Variants in GAN observed in about 807,000 individuals in gnomAD.
GAN encodes epididymis secretory sperm binding protein.
Under a neutral mutation model 71.3 loss-of-function variants are expected in GAN, and 48 were observed. The observed-to-expected ratio is 0.67, with a 90% CI of 0.53 to 0.86. GAN has a LOEUF of 0.86. GAN is among the 40% of genes least tolerant of loss of function. The pLI, the probability that GAN is intolerant of heterozygous loss-of-function variation, is 0.00. For missense variants in GAN, 928 were observed against 770.1 expected (o/e 1.21, Z -2.43); for synonymous variants, 386 against 276.8 (o/e 1.39, Z -3.92).
intron 1 of GAN, among the ~76,000 whole-genome samples, chr16:81,327,651 GA>G (rs202022779): frequency 1.5e-3 from 219 of 150,698 alleles, no homozygotes; most frequent in African/African-American, 5.3e-3. Flanking sequence ...TTGGGAAAGA[GA>G]AAATGGAAAG....
intron 1 of GAN, among the ~76,000 whole-genome samples, chr16:81,325,421 G>C (rs1308319331): frequency 2.0e-5 from 3 of 152,192 alleles, no homozygotes; most frequent in African/African-American, 7.2e-5. Flanking sequence ...CATCAGGCTT[G>C]TGTTTGGGGT....
At chr16:81,329,752 C>G (rs1909510822) in intron 1 of GAN, among the ~76,000 whole-genome samples, 1 of 152,174 alleles carries the variant, frequency 6.6e-6, no homozygotes, top group South Asian at 2.1e-4. Flanking sequence ...GCTCTCCTCC[C>G]CATCTGTCCC....
At chr16:81,347,558 A>G (rs1483380198) in intron 1 of GAN, among the ~76,000 whole-genome samples, 1 of 152,106 alleles carries the variant, frequency 6.6e-6, no homozygotes, top group Non-Finnish European at 1.5e-5. Context: ...CACATTTTCT[A>G]ACACCATCCC....
chr16:81,362,627 G>C lies in GAN; in HGVS notation c.1086+16G>C. The C allele has an allele frequency of 7.9e-7, 1 of 1,266,484 alleles. No individual in the cohort carries two copies. The highest frequency in any genetic ancestry group is 1.2e-6 in the Non-Finnish European group (1 of 862,342). 78.5% of individuals were successfully genotyped at this position (1,266,484 alleles called of 1,614,324 possible). On this transcript the variant is annotated intron_variant, in intron 6 of 10. Transcript: ENST00000648994. Reference sequence around the variant, plus strand: ...TATGAACGAGGTAAAACACTAGTTGGTTGGTTTGTTTGATGTGTTTCTCTT... The same window carrying C: ...TATGAACGAGGTAAAACACTAGTTGCTTGGTTTGTTTGATGTGTTTCTCTT...
intron 1 of GAN, among the ~76,000 whole-genome samples, chr16:81,345,719 A>G (rs1423718760): frequency 6.6e-6 from 1 of 152,226 alleles, no homozygotes; most frequent in Non-Finnish European, 1.5e-5. Flanking sequence ...CGTTCTGCAC[A>G]TGTAACCCAG....
intron 2 of GAN, among the ~76,000 whole-genome samples, chr16:81,352,671 G>C (rs1347646445): frequency 6.6e-6 from 1 of 152,062 alleles, no homozygotes; most frequent in Non-Finnish European, 1.5e-5. Flanking sequence ...AGAGTTAAAC[G>C]CAGTGATTCT....
At chr16:81,350,429 C>T (rs1170165579) in intron 1 of GAN, among the ~76,000 whole-genome samples, 1 of 152,240 alleles carries the variant, frequency 6.6e-6, no homozygotes, top group South Asian at 2.1e-4. Context: ...GTAAACAGCG[C>T]CACCTACTAT....
At chr16:81,316,769 A>G (rs1909056979) in intron 1 of GAN, among the ~76,000 whole-genome samples, 1 of 152,212 alleles carries the variant, frequency 6.6e-6, no homozygotes. Flanking sequence ...GTTTTTCTCC[A>G]TAGCACTTAC....
Position 81,354,722 on chromosome 16 carries a change from T to C in GAN, c.600T>C (p.Ile200=), listed in dbSNP as rs1024446964. Reference sequence around the variant, plus strand: ...AAAGATATGTCTTTGAAGCAGTAATTCGATGGATAGCACATGATACAGAAA... The same window carrying C: ...AAAGATATGTCTTTGAAGCAGTAATCCGATGGATAGCACATGATACAGAAA... ...GNERYVFEAV[I]RWIAHDTEIR... is the part of the protein sequence containing the mutation. Residue 200 remains isoleucine (I), a synonymous_variant, in exon 3 of 11, where the codon ATT becomes ATC. Coordinates refer to ENST00000648994, the MANE Select transcript of GAN (RefSeq NM_022041.4). 44 of 1,604,180 alleles carry C rather than the reference T, an allele frequency of 2.7e-5. No individual in the cohort carries two copies. Among genetic ancestry groups the C allele is most frequent in the Non-Finnish European group, 3.7e-5 (43 of 1,170,906 alleles).
chr16:81,373,780 G>A (rs977034912), intron 9 of GAN, among the ~76,000 whole-genome samples: 1 of 152,076 alleles, frequency 6.6e-6, no homozygotes, highest in Admixed American at 6.5e-5. Flanking sequence ...GTCTTGCTCT[G>A]TCAGCAGGCT....
chr16:81,388,821 C>G lies in GAN; in HGVS notation c.*11225C>G, dbSNP rs1010795324. The G allele has an allele frequency of 1.3e-5, 2 of 152,230 alleles. No individual in the cohort carries two copies. Among genetic ancestry groups the G allele is most frequent in the African/African-American group, 4.8e-5 (2 of 41,454 alleles). 9.4% of individuals were successfully genotyped at this position (152,230 alleles called of 1,614,324 possible). On this transcript the variant is annotated 3_prime_UTR_variant, in exon 11 of 11. Coordinates refer to ENST00000648994, the MANE Select transcript of GAN (RefSeq NM_022041.4). Reference sequence around the variant, plus strand: ...CTTAAAAACACACTATGTTCCAAATCGTTGTGGGATCGGAAACTAGAACTG... The same window carrying G: ...CTTAAAAACACACTATGTTCCAAATGGTTGTGGGATCGGAAACTAGAACTG...
rs1309284803 is a variant in GAN, at chr16:81,353,126, C to G, written c.283-1279C>G. ...CTAACACGGTGAAACCCCGTCTCTACTAAAAATACAAAAAATTAGCCGGGC... is the reference window on the plus strand; with the variant it reads ...CTAACACGGTGAAACCCCGTCTCTAGTAAAAATACAAAAAATTAGCCGGGC... On this transcript the variant is annotated intron_variant, in intron 2 of 10. Transcript: ENST00000648994. Among the ~76,000 whole-genome samples, 10 of 151,990 alleles carry G rather than the reference C, an allele frequency of 6.6e-5. No homozygotes were observed. In the East Asian group the frequency reaches 1.9e-3, roughly 29 times the overall value.
At position 81,385,471 on chromosome 16, in the gene GAN, T is replaced by A. The variant is rs982268047; in HGVS notation, c.*7875T>A. The A allele has an allele frequency of 2.0e-5, 3 of 152,170 alleles. No homozygotes were observed. The highest frequency in any genetic ancestry group is 4.4e-5 in the Non-Finnish European group (3 of 68,050). The allele number at this position is 152,170 out of a possible 1,614,324, so 9.4% of individuals were successfully genotyped here. A position where few individuals can be genotyped will look rare whatever the true frequency, so the allele number is the denominator to read the frequency against. On this transcript the variant is annotated 3_prime_UTR_variant, in exon 11 of 11. Coordinates refer to ENST00000648994, the MANE Select transcript of GAN (RefSeq NM_022041.4). Reference sequence around the variant, plus strand: ...CTGTGACTTGGGAAGCTCTTAAGGCTCCCAAGGCTCCGTTTCTTATGTGGA... The same window carrying A: ...CTGTGACTTGGGAAGCTCTTAAGGCACCCAAGGCTCCGTTTCTTATGTGGA...
chr16:81,315,680 G>A (rs1909012445), intron 1 of GAN, among the ~76,000 whole-genome samples: 2 of 152,194 alleles, frequency 1.3e-5, no homozygotes, highest in African/African-American at 4.8e-5. Flanking sequence ...CCGGGGAAGA[G>A]TCACCCCCTC....
Position 81,384,251 on chromosome 16 carries a change from A to C in GAN, c.*6655A>C, listed in dbSNP as rs1426399543. 6.6e-6 allele frequency: 1 copy of C among 151,396 alleles called. No homozygotes were observed. Among genetic ancestry groups the C allele is most frequent in the Non-Finnish European group, 1.5e-5 (1 of 67,886 alleles). The allele number at this position is 151,396 out of a possible 1,614,324, so 9.4% of individuals were successfully genotyped here. ...CAAAAGCTTGGAAGCAGGCAGTCAG[A>C]GGCCTTGAGGAATACAATTCTCTAA... On this transcript the variant is annotated 3_prime_UTR_variant, in exon 11 of 11. Transcript: ENST00000648994.
At chr16:81,332,007 C>G (rs1216723492) in intron 1 of GAN, among the ~76,000 whole-genome samples, 1 of 151,764 alleles carries the variant, frequency 6.6e-6, no homozygotes, top group Non-Finnish European at 1.5e-5. Flanking sequence ...ACTAAAAATA[C>G]AAAATTAGCC....
At chr16:81,349,003 C>G (rs1910211621) in intron 1 of GAN, among the ~76,000 whole-genome samples, 1 of 152,120 alleles carries the variant, frequency 6.6e-6, no homozygotes, top group South Asian at 2.1e-4. Context: ...CTGGTGCTCC[C>G]CTGTCCAGAG....
chr16:81,325,274 G>A (rs924912429), intron 1 of GAN, among the ~76,000 whole-genome samples: 16 of 152,204 alleles, frequency 1.1e-4, no homozygotes, highest in Admixed American at 2.0e-4. Flanking sequence ...TAGGAATTGC[G>A]AGGGGAAGAA....
In GAN at chr16:81,319,086, C is replaced by T. The variant is rs112203855; in HGVS notation, c.167+3806C>T. 1.3e-3 allele frequency among the ~76,000 whole-genome samples: 200 copies of T among 151,868 alleles called. 1 individual carries two copies. The highest frequency in any genetic ancestry group is 4.6e-3 in the African/African-American group (191 of 41,426). On this transcript the variant is annotated intron_variant, in intron 1 of 10. Coordinates refer to ENST00000648994, the MANE Select transcript of GAN (RefSeq NM_022041.4). ...ATTACAGCACTTCGGGAGGCTGAGG[C>T]GGGAGGATCCCTTGACCCCGGGAGT...
Sources: allele counts gnomAD v4.1 joint callset (sites outside exome capture counted in the v4.1 genomes callset), GRCh38; gene constraint gnomAD v4.1.1; transcripts MANE v1.5; gene names NCBI Gene and HGNC (gene_info 2026-07-23, HGNC 2026-07-21).